The following ZPBP variants were observed in gnomAD, a reference collection of about 807,000 sequenced individuals.
ZPBP encodes zona pellucida-binding protein 1.
In ZPBP, 26 loss-of-function variants were observed where a neutral mutation model predicts 44.8. That is an observed-to-expected ratio of 0.58 (90% CI 0.43 to 0.81). The LOEUF (loss-of-function observed/expected upper bound fraction) is 0.81. ZPBP is among the 30% of genes least tolerant of loss of function. ZPBP has a pLI of 0.00. For synonymous variants in ZPBP, 174 were observed against 153.2 expected (o/e 1.14, Z -1.00); for missense variants, 409 against 434.0 (o/e 0.94, Z 0.51).
intron 6 of ZPBP, among the ~76,000 whole-genome samples, chr7:49,992,383 T>C (rs1797611396): frequency 6.6e-6 from 1 of 152,086 alleles, no homozygotes; most frequent in Non-Finnish European, 1.5e-5. Flanking sequence ...CAAGGGAATC[T>C]GTATCATGAA....
chr7:49,944,846 T>TTATTTCA (rs1554350826), intron 7 of ZPBP, among the ~76,000 whole-genome samples: 119 of 151,134 alleles, frequency 7.9e-4, no homozygotes, highest in African/African-American at 2.6e-3. Context: ...GTATTTTTTT[T>TTATTTCA]ATTTCATTTA....
At chr7:50,007,964 C>T (rs186737361) in intron 6 of ZPBP, among the ~76,000 whole-genome samples, 40 of 151,962 alleles carry the variant, frequency 2.6e-4, no homozygotes, top group African/African-American at 5.8e-4. Context: ...ACAAATAAGA[C>T]GAAGATGCCT....
intron 2 of ZPBP, among the ~76,000 whole-genome samples, chr7:49,853,602 G>A (rs1426202947): frequency 1.3e-5 from 2 of 152,034 alleles, no homozygotes; most frequent in South Asian, 2.1e-4. Context: ...TTTACATAAA[G>A]TATGTTTACG....
chr7:50,063,541 C>T (rs906883222), intron 3 of ZPBP, among the ~76,000 whole-genome samples: 2 of 152,114 alleles, frequency 1.3e-5, no homozygotes, highest in Non-Finnish European at 2.9e-5. Flanking sequence ...GAGGCAGATG[C>T]CAAGAATAAG....
chr7:49,876,409 A>G (rs1791416346), intron 2 of ZPBP, among the ~76,000 whole-genome samples: 2 of 152,134 alleles, frequency 1.3e-5, no homozygotes, highest in African/African-American at 4.8e-5. Context: ...TTCCACATCT[A>G]TAGTGTGGGA....
At chr7:49,912,870 A>G (rs1189707743) in intron 1 of ZPBP, 1 of 152,182 alleles carries the variant, frequency 6.6e-6, no homozygotes, top group Non-Finnish European at 1.5e-5. Flanking sequence ...ACCATAGGTA[A>G]GCACATACAT....
chr7:50,080,330 T>C (rs1158911102), intron 3 of ZPBP, among the ~76,000 whole-genome samples: 1 of 151,614 alleles, frequency 6.6e-6, no homozygotes, highest in African/African-American at 2.4e-5. Context: ...CTGAGAACAG[T>C]TTTTATAAAG....
intron 7 of ZPBP, among the ~76,000 whole-genome samples, chr7:49,961,839 C>T (rs1016826035): frequency 1.3e-5 from 2 of 151,984 alleles, no homozygotes; most frequent in Non-Finnish European, 2.9e-5. Context: ...GTTAAAATTG[C>T]TGTAAATCTT....
chr7:50,067,867 T>C (rs1287391476), intron 3 of ZPBP, among the ~76,000 whole-genome samples: 1 of 152,228 alleles, frequency 6.6e-6, no homozygotes, highest in Non-Finnish European at 1.5e-5. Flanking sequence ...CATGACTTTA[T>C]GACTTGAGTT....
At chr7:50,031,974 A>G (rs974862601) in intron 4 of ZPBP, among the ~76,000 whole-genome samples, 3 of 152,166 alleles carry the variant, frequency 2.0e-5, no homozygotes, top group Admixed American at 2.0e-4. Context: ...CTCTGTTGCT[A>G]CTTCTGTCAA....
At chr7:49,905,447 G>A (rs1046046033) in intron 1 of ZPBP, among the ~76,000 whole-genome samples, 6 of 152,080 alleles carry the variant, frequency 3.9e-5, no homozygotes, top group East Asian at 3.9e-4. Context: ...GTAAATATTC[G>A]TTTTTCACAT....
chr7:50,080,091 G>C (rs1802286038), intron 3 of ZPBP, among the ~76,000 whole-genome samples: 1 of 151,602 alleles, frequency 6.6e-6, no homozygotes, highest in African/African-American at 2.4e-5. Context: ...CAAATCAAGG[G>C]AAACTATCTT....
chr7:50,068,289 T>C (rs1018605247), intron 3 of ZPBP, among the ~76,000 whole-genome samples: 1 of 152,154 alleles, frequency 6.6e-6, no homozygotes, highest in Non-Finnish European at 1.5e-5. Flanking sequence ...CAAGGCATCG[T>C]TCTTCTTGGC....
intron 6 of ZPBP, among the ~76,000 whole-genome samples, chr7:50,007,173 C>T (rs1386556622): frequency 6.6e-6 from 1 of 151,872 alleles, no homozygotes; most frequent in African/African-American, 2.4e-5. Context: ...CATTTCTAGC[C>T]TCCAGAACTG....
chr7:49,981,435 A>G (rs1489647300), intron 7 of ZPBP, among the ~76,000 whole-genome samples: 3 of 51,474 alleles, frequency 5.8e-5, no homozygotes. Context: ...TAAAATATAT[A>G]TAATATATAT....
intron 3 of ZPBP, 102 bp from the exon 4 acceptor site, chr7:50,058,243 C>G (rs1266027912): frequency 1.3e-5 from 16 of 1,260,678 alleles, no homozygotes; most frequent in Non-Finnish European, 1.8e-5. Context: ...CCAACACAGT[C>G]AATGAAAGGA....
downstream of ZPBP, among the ~76,000 whole-genome samples, chr7:49,936,405 G>C (rs1314748948): frequency 6.6e-6 from 1 of 152,120 alleles, no homozygotes; most frequent in Admixed American, 6.5e-5. Flanking sequence ...TTTGTACATA[G>C]CATGGAAAAA....
At chr7:49,906,626 G>A (rs868215206) in intron 1 of ZPBP, among the ~76,000 whole-genome samples, 9 of 152,100 alleles carry the variant, frequency 5.9e-5, no homozygotes, top group African/African-American at 1.4e-4. Context: ...GTGAGCCACC[G>A]CACCCAGCCA....
At chr7:49,840,800 C>T in the ZPBP span, among the ~76,000 whole-genome samples, 1 of 152,154 alleles carries the variant, frequency 6.6e-6, no homozygotes, top group Non-Finnish European at 1.5e-5. Context: ...CCCCGTATTT[C>T]AGGTTCGCAG....
Sources: gnomAD v4.1 joint callset for allele counts (sites outside exome capture counted in the v4.1 genomes callset) on GRCh38, gnomAD v4.1.1 for gene constraint, MANE v1.5 for transcripts, NCBI Gene and HGNC (gene_info 2026-07-23, HGNC 2026-07-21) for gene names.